The following CNPPD1 variants were observed in gnomAD, a reference collection of about 807,000 sequenced individuals.
CNPPD1 encodes protein CNPPD1.
In CNPPD1, 40 loss-of-function variants were observed where a neutral mutation model predicts 43.7. The ratio of observed to expected loss-of-function variants is 0.92; its 90% CI spans 0.71 to 1.19. The LOEUF (loss-of-function observed/expected upper bound fraction) is 1.19, where lower values mean the gene tolerates loss of function less well. Among genes scored for constraint, CNPPD1 ranks in the 50% most tolerant of loss-of-function variants. The pLI is 0.00. For synonymous variants in CNPPD1, 208 were observed against 214.3 expected (o/e 0.97, Z 0.26); for missense variants, 511 against 518.5 (o/e 0.99, Z 0.14).
At chr2:219,177,487 T>C (rs759665688), upstream of CNPPD1, among the ~76,000 whole-genome samples, 15 of 152,044 alleles carry the variant, frequency 9.9e-5, no homozygotes, top group Non-Finnish European at 1.6e-4. Flanking sequence ...GAAAAGCGTC[T>C]GAAAGGACAC....
chr2:219,172,327 T>C lies in CNPPD1; in HGVS notation c.*259A>G, dbSNP rs1371063651. 3.7e-6 allele frequency: 2 copies of C among 547,152 alleles called. No individual in the cohort carries two copies. The highest frequency in any genetic ancestry group is 6.5e-6 in the Non-Finnish European group (2 of 308,022). The allele number at this position is 547,152 out of a possible 1,614,324, so 33.9% of individuals were successfully genotyped here. A position where few individuals can be genotyped will look rare whatever the true frequency, so the allele number is the denominator to read the frequency against. Reference sequence around the variant, plus strand: ...CCAGGGAGGCAGAGAGGGGCTTCTATGTCCATCTGGGACATGTCCCTGGTC... The same window carrying C: ...CCAGGGAGGCAGAGAGGGGCTTCTACGTCCATCTGGGACATGTCCCTGGTC... On this transcript the variant is annotated 3_prime_UTR_variant, in exon 8 of 8. Coordinates refer to ENST00000360507, the MANE Select transcript of CNPPD1 (RefSeq NM_015680.6).
intron 2 of CNPPD1, 38 bp from the exon 3 acceptor site, chr2:219,175,710 G>A (rs2106388506): frequency 3.2e-6 from 5 of 1,577,214 alleles, no homozygotes; most frequent in Non-Finnish European, 4.4e-6. Context: ...GAGCAAACAA[G>A]CACCCACACC....
upstream of CNPPD1, chr2:219,177,014 C>A (rs1182216382): frequency 3.7e-6 from 2 of 542,420 alleles, no homozygotes; most frequent in Non-Finnish European, 6.5e-6. Context: ...CTGAACTGGG[C>A]GCCTCTTCCT....
intron 3 of CNPPD1, 122 bp downstream of exon 3, chr2:219,175,469 C>T (rs1323872324): frequency 1.0e-6 from 1 of 968,008 alleles, no homozygotes; most frequent in Non-Finnish European, 1.6e-6. Flanking sequence ...TGCACTCCAG[C>T]CTGGGTGACA....
At position 219,172,834 on chromosome 2, in the gene CNPPD1, G is replaced by C. The variant is rs1254370013; in HGVS notation, c.985C>G (p.Pro329Ala). ...TGGCAGTTATGAAGAAGAGTGGGAG[G>C]GGCAGGGGGGTCTGGGGGAGGCAAT... Reference protein sequence around the residue: ...PPLPPPDPPAPPTLLHNCHLC... With the variant: ...PPLPPPDPPAAPTLLHNCHLC... The change falls in exon 8 of 8, where the codon CCT (proline) becomes GCT (alanine). Residue 329 changes from proline to alanine, a missense_variant. By Grantham distance (27) the Pro-to-Ala change is conservative (BLOSUM62 -1). Transcript: ENST00000360507. The C allele has an allele frequency of 6.3e-7, 1 of 1,590,132 alleles. No individual in the cohort carries two copies. The highest frequency in any genetic ancestry group is 1.3e-5 in the African/African-American group (1 of 74,432).
rs771930595 is a variant in CNPPD1, at chr2:219,174,854, T to C, written c.434A>G (p.Asn145Ser). 9 of 1,613,994 alleles carry C rather than the reference T, an allele frequency of 5.6e-6. No homozygotes were observed. The highest frequency in any genetic ancestry group is 4.5e-5 in the East Asian group (2 of 44,896). Reference protein sequence around the residue: ...YDEGEEEEVFNDEWGAAGGVA... With the variant: ...YDEGEEEEVFSDEWGAAGGVA... Reference sequence around the variant, plus strand: ...ACCCCCAGCAGCTCCCCATTCGTCGTTGAAGACCTCCTCCTCCTCCCCTTC... The same window carrying C: ...ACCCCCAGCAGCTCCCCATTCGTCGCTGAAGACCTCCTCCTCCTCCCCTTC... Residue 145 changes from asparagine (N) to serine (S), a missense_variant, in exon 5 of 8, where the codon AAC becomes AGC. By Grantham distance (46) the Asn-to-Ser change is conservative. Coordinates refer to ENST00000360507, the MANE Select transcript of CNPPD1 (RefSeq NM_015680.6).
chr2:219,177,009 C>T (rs1244759091), upstream of CNPPD1: 2 of 551,308 alleles, frequency 3.6e-6, no homozygotes, highest in Admixed American at 7.8e-5. Context: ...CCGGGCTGAA[C>T]TGGGCGCCTC....
chr2:219,174,691 C>T, intron 5 of CNPPD1, 87 bp downstream of exon 5: 1 of 1,496,104 alleles, frequency 6.7e-7, no homozygotes, highest in East Asian at 2.3e-5. Flanking sequence ...AATGACGAAC[C>T]AACAGAAGAC....
rs1168491796 is a variant in CNPPD1 at position 219,172,843 on chromosome 2, G to C, written c.976C>G (p.Pro326Ala). The change falls in exon 8 of 8, where the codon CCC (proline) becomes GCC (alanine). Residue 326 changes from proline to alanine, a missense_variant. Transcript: ENST00000360507. The stretch of plus-strand genomic sequence containing the variant: ...TGAAGAAGAGTGGGAGGGGCAGGGG[G>C]GTCTGGGGGAGGCAATGGTGGAGGA... ...LTPPPLPPPD[P>A]PAPPTLLHNC... 6.3e-7 allele frequency: 1 copy of C among 1,589,062 alleles called. No individual in the cohort carries two copies. The highest frequency in any genetic ancestry group is 1.2e-5 in the South Asian group (1 of 86,538).
rs1470291598 is a variant in CNPPD1 at position 219,175,572 on chromosome 2, T to A, written c.260+19A>T. The A allele has an allele frequency of 4.4e-6, 7 of 1,600,124 alleles. No homozygotes were observed. The highest frequency in any genetic ancestry group is 4.0e-5 in the African/African-American group (3 of 74,538). On this transcript the variant is annotated intron_variant, in intron 3 of 7. Transcript: ENST00000360507. The stretch of plus-strand genomic sequence containing the variant: ...CTAGGGCCCAAACACTCTCATCCTA[T>A]CCTCATTTCCAGGCTCACCGGGACA...
rs1167980771 is a variant in CNPPD1 at position 219,176,390 on chromosome 2, T to G, written c.70-59A>C. On this transcript the variant is annotated intron_variant, in intron 1 of 7. Transcript: ENST00000360507. ...GCACGGAAAGGTATGATGCAGATCC[T>G]GGCTCTGGGCTGGAAGGCGGGGCAG... 3 of 1,326,752 alleles carry G rather than the reference T, an allele frequency of 2.3e-6. No individual in the cohort carries two copies. The African/African-American group carries it at 4.3e-5, about 19-fold the overall frequency. 82.2% of individuals were successfully genotyped at this position (1,326,752 alleles called of 1,614,324 possible).
chr2:219,173,150 A>G, intron 7 of CNPPD1, 22 bp from the exon 8 acceptor site: 1 of 1,546,786 alleles, frequency 6.5e-7, no homozygotes, highest in Non-Finnish European at 8.7e-7. Context: ...GAGATAAGAA[A>G]GAAGGAATCT....
rs1950137383 is a variant in CNPPD1, at chr2:219,175,061, A to G, written c.308T>C (p.Ile103Thr). ...TGGGTTTCGGTGCCGGAGCCGTTCA[A>G]TGTACACCAGAGCCAGCATCATAGC... ...PCAMMLALVY[I>T]ERLRHRNPDY... is the part of the protein sequence containing the mutation. Residue 103 changes from isoleucine to threonine, a missense_variant, in exon 4 of 8, where the codon ATT becomes ACT. By Grantham distance (89) the Ile-to-Thr change is moderately conservative (BLOSUM62 -1). Transcript: ENST00000360507. 5 of 1,613,172 alleles carry G rather than the reference A, an allele frequency of 3.1e-6. No homozygotes were observed. The highest frequency in any genetic ancestry group is 1.3e-5 in the African/African-American group (1 of 74,988).
Position 219,174,191 on chromosome 2 carries a change from G to C in CNPPD1, c.527C>G (p.Thr176Ser). 1.2e-6 allele frequency: 2 copies of C among 1,614,196 alleles called. No individual in the cohort carries two copies. Among genetic ancestry groups the C allele is most frequent in the Non-Finnish European group, 1.7e-6 (2 of 1,180,034 alleles). The change falls in exon 6 of 8, where the codon ACT becomes AGT. Residue 176 changes from threonine to serine, a missense_variant. Thr to Ser is a moderately conservative substitution (Grantham distance 58). Coordinates refer to ENST00000360507, the MANE Select transcript of CNPPD1 (RefSeq NM_015680.6). ...FLSAMDWHLY[T>S]DPREIFEVLS... ...CACCTCAAAGATCTCCCGAGGGTCA[G>C]TGTAGAGATGCCAATCCTGTGAGTA...
upstream of CNPPD1, chr2:219,177,198 A>C (rs777878412): frequency 1.6e-4 from 31 of 199,850 alleles, no homozygotes; most frequent in Non-Finnish European, 9.1e-5. Flanking sequence ...GCCGCCTGCA[A>C]GTCAGCGCCT....
rs1337108181 is a variant in CNPPD1 at position 219,173,487 on chromosome 2, G to A, written c.573-20C>T. The A allele has an allele frequency of 1.9e-6, 3 of 1,608,942 alleles. No individual in the cohort carries two copies. The highest frequency in any genetic ancestry group is 1.3e-5 in the African/African-American group (1 of 74,826). ...GCCACACTGGGGGAAGTGGAGAAATGACAAGAGTATGCAACTGTCCTGCAG... is the reference window on the plus strand; with the variant it reads ...GCCACACTGGGGGAAGTGGAGAAATAACAAGAGTATGCAACTGTCCTGCAG... On this transcript the variant is annotated intron_variant, in intron 6 of 7. Transcript: ENST00000360507.
chr2:219,176,253 T>C lies in CNPPD1; in HGVS notation c.148A>G (p.Ser50Gly), dbSNP rs770211878. The C allele has an allele frequency of 1.2e-6, 2 of 1,613,942 alleles. No individual in the cohort carries two copies. The highest frequency in any genetic ancestry group is 1.3e-5 in the African/African-American group (1 of 74,922). Reference sequence around the variant, plus strand: ...ACCGGGCTGGAGAGCTCCTCCAGGCTACAGTCGGCTTCCCAGTCCCAGCCA... The same window carrying C: ...ACCGGGCTGGAGAGCTCCTCCAGGCCACAGTCGGCTTCCCAGTCCCAGCCA... The part of the protein sequence containing the change: ...YYGWDWEADC[S>G]LEELSSPVAD... Residue 50 changes from serine to glycine, a missense_variant, in exon 2 of 8, where the codon AGC (serine) becomes GGC (glycine). Transcript: ENST00000360507.
intron 6 of CNPPD1, among the ~76,000 whole-genome samples, chr2:219,173,677 C>T (rs1950112302): frequency 1.3e-5 from 2 of 152,208 alleles, no homozygotes; most frequent in African/African-American, 2.4e-5. Context: ...CAGGATCTTG[C>T]TGTCTCCCAG....
chr2:219,172,520 C>T lies in CNPPD1; in HGVS notation c.*66G>A. On this transcript the variant is annotated 3_prime_UTR_variant, in exon 8 of 8. Coordinates refer to ENST00000360507, the MANE Select transcript of CNPPD1 (RefSeq NM_015680.6). ...CCAGCGAGGCAGACAGGATCTGAAT[C>T]AAGCTTTGCTCCTCCAGGTTCTCAG... The T allele has an allele frequency of 6.5e-7, 1 of 1,550,208 alleles. No homozygotes were observed. The highest frequency in any genetic ancestry group is 8.9e-7 in the Non-Finnish European group (1 of 1,124,258).
Sources: allele counts gnomAD v4.1 joint callset (sites outside exome capture counted in the v4.1 genomes callset), GRCh38; gene constraint gnomAD v4.1.1; transcripts MANE v1.5; gene names NCBI Gene and HGNC (gene_info 2026-07-23, HGNC 2026-07-21).